NKAIN2: variants seen among roughly 807,000 people sequenced by gnomAD.
The protein encoded by NKAIN2 is sodium/potassium-transporting ATPase subunit beta-1-interacting protein 2.
Under a neutral mutation model 32.6 loss-of-function variants are expected in NKAIN2, and 14 were observed. The observed-to-expected ratio is 0.43, with a 90% CI of 0.28 to 0.67. NKAIN2 has a LOEUF of 0.67. Ranked by LOEUF, NKAIN2 falls within the 30% of genes least tolerant of loss-of-function variation. The pLI, the probability that NKAIN2 is intolerant of heterozygous loss-of-function variation, is 0.17. For synonymous variants in NKAIN2, 80 were observed against 87.2 expected (o/e 0.92, Z 0.46); for missense variants, 198 against 258.3 (o/e 0.77, Z 1.60).
intron 3 of NKAIN2, among the ~76,000 whole-genome samples, chr6:124,356,508 A>G (rs1562510582): frequency 6.6e-6 from 1 of 152,212 alleles, no homozygotes; most frequent in African/African-American, 2.4e-5. Flanking sequence ...GTGTAATTTT[A>G]TGATCAGAAT....
At chr6:124,507,530 G>A (rs920475014) in intron 3 of NKAIN2, among the ~76,000 whole-genome samples, 1 of 151,952 alleles carries the variant, frequency 6.6e-6, no homozygotes, top group Non-Finnish European at 1.5e-5. Context: ...ATCTTTAATT[G>A]CATCTAAACA....
chr6:124,044,148 T>C (rs1782010317), intron 1 of NKAIN2, among the ~76,000 whole-genome samples: 1 of 152,046 alleles, frequency 6.6e-6, no homozygotes, highest in South Asian at 2.1e-4. Flanking sequence ...AAGAGGCTAA[T>C]AATCTCTAGG....
At chr6:123,974,558 C>T (rs952828032) in intron 1 of NKAIN2, among the ~76,000 whole-genome samples, 1 of 152,100 alleles carries the variant, frequency 6.6e-6, no homozygotes, top group African/African-American at 2.4e-5. Context: ...GAGACAAAAA[C>T]CCAATGTCAA....
At chr6:124,424,013 G>A (rs1774869964) in intron 3 of NKAIN2, among the ~76,000 whole-genome samples, 1 of 151,850 alleles carries the variant, frequency 6.6e-6, no homozygotes, top group Non-Finnish European at 1.5e-5. Context: ...ATTTTTTTGA[G>A]ACAAGAGTCT....
chr6:124,777,363 C>A (rs1007066867), intron 4 of NKAIN2, among the ~76,000 whole-genome samples: 1 of 152,062 alleles, frequency 6.6e-6, no homozygotes, highest in African/African-American at 2.4e-5. Context: ...GAGTCAGTCA[C>A]CCTGGGTTTG....
chr6:124,292,421 T>G (rs1795856656), intron 2 of NKAIN2, among the ~76,000 whole-genome samples: 1 of 152,176 alleles, frequency 6.6e-6, no homozygotes, highest in Non-Finnish European at 1.5e-5. Context: ...AGGACTATAT[T>G]TGTTGTATGC....
intron 5 of NKAIN2, among the ~76,000 whole-genome samples, chr6:124,806,526 G>C (rs2114846063): frequency 6.6e-6 from 1 of 152,174 alleles, no homozygotes; most frequent in Non-Finnish European, 1.5e-5. Flanking sequence ...ACCAGCCACT[G>C]CAAAATCATG....
At chr6:124,329,180 C>T (rs1258928989) in intron 2 of NKAIN2, among the ~76,000 whole-genome samples, 2 of 151,684 alleles carry the variant, frequency 1.3e-5, no homozygotes, top group Non-Finnish European at 2.9e-5. Flanking sequence ...ACCCTCAATC[C>T]CAAGGGGTCT....
At chr6:124,388,840 T>C (rs1773024825) in intron 3 of NKAIN2, among the ~76,000 whole-genome samples, 1 of 152,050 alleles carries the variant, frequency 6.6e-6, no homozygotes, top group African/African-American at 2.4e-5. Context: ...ATTTTTGGCA[T>C]TTTTATGCTT....
intron 1 of NKAIN2, among the ~76,000 whole-genome samples, chr6:124,187,461 T>A (rs531029997): frequency 9.2e-5 from 14 of 152,272 alleles, no homozygotes; most frequent in African/African-American, 3.4e-4. Context: ...ATAGTCCAAT[T>A]GGGTAGACAG....
chr6:124,357,928 C>A (rs200032364), intron 3 of NKAIN2, among the ~76,000 whole-genome samples: 2 of 111,260 alleles, frequency 1.8e-5, no homozygotes, highest in Admixed American at 1.6e-4. Flanking sequence ...CCTCCCCCAA[C>A]CCGCACGCCA....
intron 1 of NKAIN2, among the ~76,000 whole-genome samples, chr6:124,112,042 C>T (rs994826046): frequency 7.9e-5 from 12 of 151,954 alleles, no homozygotes; most frequent in African/African-American, 2.7e-4. Flanking sequence ...TTATAGTTTT[C>T]AAAATAATTT....
At chr6:124,385,553 A>T (rs1286907107) in intron 3 of NKAIN2, among the ~76,000 whole-genome samples, 2 of 152,066 alleles carry the variant, frequency 1.3e-5, no homozygotes. Context: ...GGAAATTTGA[A>T]TTTTTAATTC....
chr6:124,117,146 A>T (rs977952200), intron 1 of NKAIN2, among the ~76,000 whole-genome samples: 5 of 151,970 alleles, frequency 3.3e-5, no homozygotes, highest in African/African-American at 1.2e-4. Flanking sequence ...TCAATAGCAA[A>T]TTTGAAGTGA....
At position 124,458,701 on chromosome 6, in the gene NKAIN2, A is replaced by G. The variant is rs185723011; in HGVS notation, c.273+103354A>G. Among the ~76,000 whole-genome samples the G allele has an allele frequency of 8.2e-4, 125 of 151,984 alleles. No individual in the cohort carries two copies. In the Middle Eastern group the frequency reaches 0.01, roughly 12 times the overall value. On this transcript the variant is annotated intron_variant, in intron 3 of 6. Coordinates refer to ENST00000368417, the MANE Select transcript of NKAIN2 (RefSeq NM_001040214.3). Reference sequence around the variant, plus strand: ...TATAGGACTGTATTATTTTGAGGCGATCTTCTAATACTATATCTAGACACT... The same window carrying G: ...TATAGGACTGTATTATTTTGAGGCGGTCTTCTAATACTATATCTAGACACT...
intron 1 of NKAIN2, among the ~76,000 whole-genome samples, chr6:123,982,999 C>A: frequency 6.8e-6 from 1 of 146,164 alleles, no homozygotes; most frequent in African/African-American, 2.5e-5. Flanking sequence ...CCGCCCCCAA[C>A]CTTTTTCCTT....
At chr6:123,928,191 GC>G (rs1205267955) in intron 1 of NKAIN2, among the ~76,000 whole-genome samples, 1 of 152,118 alleles carries the variant, frequency 6.6e-6, no homozygotes, top group Non-Finnish European at 1.5e-5. Flanking sequence ...ACCAGTGGGA[GC>G]TAAACATTGA....
intron 5 of NKAIN2, among the ~76,000 whole-genome samples, chr6:124,810,794 T>C (rs1005562569): frequency 6.6e-6 from 1 of 152,032 alleles, no homozygotes; most frequent in African/African-American, 2.4e-5. Flanking sequence ...CTAATAAGTC[T>C]CATTTCATTC....
intron 1 of NKAIN2, among the ~76,000 whole-genome samples, chr6:123,857,790 C>T (rs1775613286): frequency 6.6e-6 from 1 of 152,076 alleles, no homozygotes; most frequent in African/African-American, 2.4e-5. Flanking sequence ...ATCAGGCACA[C>T]TGCAGGCCAG....
Sources: allele counts gnomAD v4.1 joint callset (sites outside exome capture counted in the v4.1 genomes callset), GRCh38; gene constraint gnomAD v4.1.1; transcripts MANE v1.5; gene names NCBI Gene and HGNC (gene_info 2026-07-23, HGNC 2026-07-21).